Variants in GAS7 observed in about 807,000 individuals in gnomAD.
GAS7 encodes growth arrest-specific protein 7.
In GAS7, 28 loss-of-function variants were observed where a neutral mutation model predicts 71.1. The observed-to-expected ratio is 0.39, with a 90% CI of 0.29 to 0.54. The LOEUF (loss-of-function observed/expected upper bound fraction) is 0.54. Ranked by LOEUF, GAS7 falls within the 20% of genes least tolerant of loss-of-function variation. GAS7 has a pLI of 0.62. For synonymous variants in GAS7, 258 were observed against 245.8 expected (o/e 1.05, Z -0.46); for missense variants, 436 against 627.8 (o/e 0.69, Z 3.27).
chr17:10,072,815 T>C (rs1302030029), intron 1 of GAS7, among the ~76,000 whole-genome samples: 1 of 151,910 alleles, frequency 6.6e-6, no homozygotes, highest in Non-Finnish European at 1.5e-5. Flanking sequence ...GGCCCCAGGA[T>C]TGGTGCATTA....
intron 3 of GAS7, among the ~76,000 whole-genome samples, chr17:9,979,108 G>A (rs2070315551): frequency 6.6e-6 from 1 of 152,200 alleles, no homozygotes; most frequent in African/African-American, 2.4e-5. Context: ...CACATATGTG[G>A]TATGTTTCAA....
At chr17:9,949,606 C>A (rs2068924747) in intron 5 of GAS7, among the ~76,000 whole-genome samples, 1 of 152,148 alleles carries the variant, frequency 6.6e-6, no homozygotes, top group African/African-American at 2.4e-5. Context: ...CTCCCAGATC[C>A]TTACATGTGG....
At chr17:9,922,765 T>A (rs1283838107) in intron 11 of GAS7, among the ~76,000 whole-genome samples, 1 of 152,188 alleles carries the variant, frequency 6.6e-6, no homozygotes, top group East Asian at 1.9e-4. Flanking sequence ...GAAGATCAAA[T>A]GAAAACCCAA....
chr17:10,113,846 T>C (rs1035234877), intron 1 of GAS7, among the ~76,000 whole-genome samples: 3 of 152,200 alleles, frequency 2.0e-5, no homozygotes, highest in Admixed American at 6.5e-5. Context: ...CCTGAGCATA[T>C]ATTACCTATT....
intron 1 of GAS7, among the ~76,000 whole-genome samples, chr17:10,028,468 T>C (rs1019267079): frequency 6.6e-5 from 10 of 152,168 alleles, no homozygotes; most frequent in Non-Finnish European, 1.3e-4. Flanking sequence ...TAATATGTAT[T>C]GTTTATTTTA....
chr17:10,098,013 C>T (rs1383790773), intron 1 of GAS7, among the ~76,000 whole-genome samples: 1 of 149,740 alleles, frequency 6.7e-6, no homozygotes, highest in African/African-American at 2.5e-5. Context: ...CACTGCACTC[C>T]AGCCCGGGTG....
At chr17:10,166,994 C>T (rs1447860089) in intron 1 of GAS7, among the ~76,000 whole-genome samples, 1 of 146,076 alleles carries the variant, frequency 6.8e-6, no homozygotes, top group Non-Finnish European at 1.5e-5. Context: ...TGCCATGTGG[C>T]CTTCTAGTTA....
At chr17:9,956,341 AGGACCCCAAG>A (rs1406639916) in intron 5 of GAS7, among the ~76,000 whole-genome samples, 2 of 152,170 alleles carry the variant, frequency 1.3e-5, no homozygotes, top group Non-Finnish European at 2.9e-5. Flanking sequence ...AAGAGTAGAC[AGGACCCCAAG>A]GGTTCACCTC....
chr17:10,059,535 C>G (rs1041046855), intron 1 of GAS7, among the ~76,000 whole-genome samples: 8 of 151,968 alleles, frequency 5.3e-5, no homozygotes, highest in African/African-American at 1.7e-4. Flanking sequence ...TCCCCCAAAT[C>G]CCCCCCAGAG....
At chr17:9,928,271 C>T in intron 9 of GAS7, among the ~76,000 whole-genome samples, 1 of 144,926 alleles carries the variant, frequency 6.9e-6, no homozygotes, top group Non-Finnish European at 1.5e-5. Flanking sequence ...TGCCACCACG[C>T]CCGGCTAATT....
intron 2 of GAS7, among the ~76,000 whole-genome samples, chr17:9,984,069 A>C (rs1285097401): frequency 6.6e-6 from 1 of 152,228 alleles, no homozygotes; most frequent in African/African-American, 2.4e-5. Context: ...CTCTAGCGCT[A>C]AGTCATTTTT....
intron 1 of GAS7, among the ~76,000 whole-genome samples, chr17:10,107,935 C>T (rs887717352): frequency 6.6e-6 from 1 of 152,038 alleles, no homozygotes; most frequent in African/African-American, 2.4e-5. Flanking sequence ...GGGAAACCGC[C>T]TTACACACAG....
chr17:10,117,262 C>T (rs2073869080), intron 1 of GAS7, among the ~76,000 whole-genome samples: 1 of 152,124 alleles, frequency 6.6e-6, no homozygotes, highest in African/African-American at 2.4e-5. Flanking sequence ...TCTGGCCCTC[C>T]TGCCTCCCTC....
chr17:9,922,409 T>C (rs78544488), intron 11 of GAS7, among the ~76,000 whole-genome samples: 4,687 of 152,294 alleles, frequency 0.031, 174 homozygotes, highest in African/African-American at 0.087. Context: ...GCTCCACCAC[T>C]GTGGACCTCA....
Position 9,917,200 on chromosome 17 carries a change from A to C in GAS7, c.*28T>G. On this transcript the variant is annotated 3_prime_UTR_variant, in exon 14 of 14. Transcript: ENST00000432992. ...TGGGAGCCCAGCCCCCCTCCCCAGCAGGACCCCCCGAAGCTGCACAGGCCC... is the reference window on the plus strand; with the variant it reads ...TGGGAGCCCAGCCCCCCTCCCCAGCCGGACCCCCCGAAGCTGCACAGGCCC... 873 of 968,136 alleles carry C rather than the reference A, an allele frequency of 9.0e-4. No homozygotes were observed. Among genetic ancestry groups the C allele is most frequent in the Non-Finnish European group, 1.3e-3 (798 of 592,564 alleles). The allele number at this position is 968,136 out of a possible 1,614,324, so 60.0% of individuals were successfully genotyped here. A position where few individuals can be genotyped will look rare whatever the true frequency, so the allele number is the denominator to read the frequency against.
At chr17:9,942,325 T>C (rs1279604870) in intron 7 of GAS7, among the ~76,000 whole-genome samples, 1 of 151,766 alleles carries the variant, frequency 6.6e-6, no homozygotes, top group South Asian at 2.1e-4. Flanking sequence ...AGGTGGAAAG[T>C]TGTGTGTTTG....
At chr17:10,140,359 G>A (rs1349519595) in intron 1 of GAS7, among the ~76,000 whole-genome samples, 6 of 152,270 alleles carry the variant, frequency 3.9e-5, no homozygotes, top group African/African-American at 9.6e-5. Context: ...CTACCTGGGA[G>A]GCTACGGTGG....
intron 1 of GAS7, among the ~76,000 whole-genome samples, chr17:10,160,385 T>C (rs2074243453): frequency 6.6e-6 from 1 of 152,190 alleles, no homozygotes; most frequent in East Asian, 1.9e-4. Context: ...AGATATTAAA[T>C]AAAACAGTTA....
intron 5 of GAS7, among the ~76,000 whole-genome samples, chr17:9,956,751 G>A (rs1395970248): frequency 6.6e-6 from 1 of 152,182 alleles, no homozygotes; most frequent in Non-Finnish European, 1.5e-5. Context: ...TGCTGCCCAG[G>A]CCTGGAAATT....
Sources: gnomAD v4.1 joint callset for allele counts (sites outside exome capture counted in the v4.1 genomes callset) on GRCh38, gnomAD v4.1.1 for gene constraint, MANE v1.5 for transcripts, NCBI Gene and HGNC (gene_info 2026-07-23, HGNC 2026-07-21) for gene names.